NALCN: variants seen among roughly 807,000 people sequenced by gnomAD.
The protein encoded by NALCN is sodium leak channel, non-selective.
In NALCN, 111 loss-of-function variants were observed where a neutral mutation model predicts 225.3. The observed-to-expected ratio is 0.49, with a 90% confidence interval of 0.42 to 0.58. The LOEUF is 0.58. NALCN is among the 20% of genes least tolerant of loss of function. The pLI is 0.00. For missense variants in NALCN, 1,378 were observed against 2,202.4 expected (o/e 0.63, Z 7.49); for synonymous variants, 764 against 769.0 (o/e 0.99, Z 0.11).
chr13:101,144,961 A>T, intron 15 of NALCN, 65 bp from the exon 16 acceptor site: 1 of 1,487,906 alleles, frequency 6.7e-7, no homozygotes, highest in Non-Finnish European at 8.9e-7. Context: ...ACGTTACACA[A>T]AATTAGTTTT....
At chr13:101,374,403 T>A (rs1478448363) in intron 6 of NALCN, among the ~76,000 whole-genome samples, 1 of 150,890 alleles carries the variant, frequency 6.6e-6, no homozygotes, top group African/African-American at 2.4e-5. Flanking sequence ...AGCCTCCCGA[T>A]CACAGGTGCC....
At chr13:101,094,061 C>A (rs890789031) in intron 28 of NALCN, among the ~76,000 whole-genome samples, 2 of 152,216 alleles carry the variant, frequency 1.3e-5, no homozygotes, top group African/African-American at 4.8e-5. Flanking sequence ...TGCCTCATTG[C>A]ACCTTTTCTC....
At position 101,058,028 on chromosome 13, in the gene NALCN, G is replaced by A. The variant is rs141831657; in HGVS notation, c.4934C>T (p.Pro1645Leu). 12 of 1,613,412 alleles carry A rather than the reference G, an allele frequency of 7.4e-6. No individual in the cohort carries two copies. The highest frequency in any genetic ancestry group is 1.0e-5 in the Non-Finnish European group (12 of 1,180,010). The stretch of plus-strand genomic sequence containing the variant: ...ACTTCCTCCTCGATCCGACAGCGTG[G>A]GGCTCAGGAGCTGCTGCTGGCTGCT... ...ETSSQQQLLSPTLSDRGGSRQ... is the reference protein window; with the variant it reads ...ETSSQQQLLSLTLSDRGGSRQ... The change falls in exon 43 of 44, where the codon CCC (proline) becomes CTC (leucine). Residue 1645 changes from proline (P) to leucine (L), a missense_variant. By Grantham distance (98) the Pro-to-Leu change is moderately conservative (BLOSUM62 -3). Coordinates refer to ENST00000251127, the MANE Select transcript of NALCN (RefSeq NM_052867.4).
intron 10 of NALCN, among the ~76,000 whole-genome samples, chr13:101,264,932 A>G (rs897553071): frequency 6.6e-6 from 1 of 152,214 alleles, no homozygotes; most frequent in African/African-American, 2.4e-5. Context: ...AGACTCTCAT[A>G]AAGTTAAGAA....
intron 13 of NALCN, among the ~76,000 whole-genome samples, chr13:101,198,968 T>G (rs529828648): frequency 6.6e-6 from 1 of 151,988 alleles, no homozygotes; most frequent in South Asian, 2.1e-4. Context: ...GCCATAAAAT[T>G]GATGAGTTCA....
Position 101,104,903 on chromosome 13 carries a change from T to C in NALCN, c.2627A>G (p.His876Arg), listed in dbSNP as rs2035017681. ...AGTTGGTGATGCTTACTAAAGTTGA[T>C]GGTACTTTGTATTTTTCACAGCTCC... Reference protein sequence around the residue: ...VTGAVKNTKYHQLYDLLGLVT... With the variant: ...VTGAVKNTKYRQLYDLLGLVT... The change falls in exon 23 of 44, where the codon CAT becomes CGT. Residue 876 changes from histidine to arginine, a missense_variant. By Grantham distance (29) the His-to-Arg change is conservative. Transcript: ENST00000251127. This position sits in a 1 kb window ranked among gnomAD's most constrained non-coding sequence, Gnocchi z 4.2. The C allele has an allele frequency of 6.2e-7, 1 of 1,613,692 alleles. No homozygotes were observed. Among genetic ancestry groups the C allele is most frequent in the African/African-American group, 1.3e-5 (1 of 74,908 alleles).
At chr13:101,233,178 C>G (rs991690952) in intron 12 of NALCN, among the ~76,000 whole-genome samples, 1 of 152,140 alleles carries the variant, frequency 6.6e-6, no homozygotes, top group African/African-American at 2.4e-5. Flanking sequence ...AAACCATACT[C>G]TCAAAGATAA....
chr13:101,181,568 T>C, intron 14 of NALCN, among the ~76,000 whole-genome samples: 1 of 118,416 alleles, frequency 8.4e-6, no homozygotes, highest in East Asian at 2.1e-4. Flanking sequence ...ACCCTGTCTC[T>C]CAAAAAAAAA....
chr13:101,299,317 G>T (rs1184863234), intron 7 of NALCN, among the ~76,000 whole-genome samples: 1 of 152,140 alleles, frequency 6.6e-6, no homozygotes, highest in East Asian at 1.9e-4. Context: ...AATTAAAATC[G>T]AAAATAAATT....
Position 101,073,522 on chromosome 13 carries a change from G to T in NALCN, c.4197+62C>A, listed in dbSNP as rs948890622. 15 of 1,351,584 alleles carry T rather than the reference G, an allele frequency of 1.1e-5. No individual in the cohort carries two copies. In the Admixed American group the frequency reaches 2.6e-4, roughly 23 times the overall value. 83.7% of individuals were successfully genotyped at this position (1,351,584 alleles called of 1,614,324 possible). A position where few individuals can be genotyped will look rare whatever the true frequency, so the allele number is the denominator to read the frequency against. The stretch of plus-strand genomic sequence containing the variant: ...TAACAAGGATGATCCTGCCAACATT[G>T]TGTTGCAAGAGTTTCATGCTGATTC... On this transcript the variant is annotated intron_variant, in intron 37 of 43. Coordinates refer to ENST00000251127, the MANE Select transcript of NALCN (RefSeq NM_052867.4).
At chr13:101,230,317 G>T (rs2041295447) in intron 12 of NALCN, among the ~76,000 whole-genome samples, 1 of 152,166 alleles carries the variant, frequency 6.6e-6, no homozygotes, top group African/African-American at 2.4e-5. Context: ...ACAAGGAAAT[G>T]GAAAGAGAAG....
chr13:101,258,665 T>A, intron 10 of NALCN, 91 bp from the exon 11 acceptor site: 1 of 1,551,484 alleles, frequency 6.4e-7, no homozygotes, highest in Non-Finnish European at 8.8e-7. Context: ...AGCACCTTTG[T>A]GATGTGCTGC....
intron 40 of NALCN, among the ~76,000 whole-genome samples, chr13:101,064,963 C>A (rs2032248008): frequency 1.3e-5 from 2 of 152,188 alleles, no homozygotes; most frequent in Admixed American, 6.5e-5. Flanking sequence ...CATCACAGAG[C>A]AGGCCAGGCA....
chr13:101,352,470 A>G (rs1566606925), intron 6 of NALCN, among the ~76,000 whole-genome samples: 1 of 152,146 alleles, frequency 6.6e-6, no homozygotes, highest in African/African-American at 2.4e-5. Flanking sequence ...GACAGAAAGA[A>G]AGAGAGAGAG....
Position 101,294,133 on chromosome 13 carries a change from G to A in NALCN, c.800-1767C>T, listed in dbSNP as rs568479625. Among the ~76,000 whole-genome samples the A allele has an allele frequency of 3.6e-4, 54 of 152,098 alleles. 1 individual carries two copies. Among genetic ancestry groups the A allele is most frequent in the Middle Eastern group, 6.8e-3 (2 of 294 alleles). On this transcript the variant is annotated intron_variant, in intron 7 of 43. Coordinates refer to ENST00000251127, the MANE Select transcript of NALCN (RefSeq NM_052867.4). ...ACCAGAAATTGAACCCATATCATCAGGTCAAAAAAAATTTTTTTTTACCAT... is the reference window on the plus strand; with the variant it reads ...ACCAGAAATTGAACCCATATCATCAAGTCAAAAAAAATTTTTTTTTACCAT...
At chr13:101,271,797 G>T (rs2042787527) in intron 10 of NALCN, among the ~76,000 whole-genome samples, 1 of 151,884 alleles carries the variant, frequency 6.6e-6, no homozygotes, top group Non-Finnish European at 1.5e-5. Flanking sequence ...CTGTGTGCAT[G>T]CATGTGTGTG....
At chr13:101,076,619 C>T (rs942689702) in intron 34 of NALCN, among the ~76,000 whole-genome samples, 8 of 152,144 alleles carry the variant, frequency 5.3e-5, no homozygotes, top group South Asian at 2.1e-4. Flanking sequence ...AGATGGGCCC[C>T]GCGAAGGGGG....
intron 15 of NALCN, among the ~76,000 whole-genome samples, chr13:101,162,681 T>C (rs2038246094): frequency 6.6e-6 from 1 of 152,234 alleles, no homozygotes; most frequent in African/African-American, 2.4e-5. Context: ...TGACAGGATC[T>C]GAAAGAAAAA....
chr13:101,387,252 A>AAAAAT (rs58578868), intron 3 of NALCN, among the ~76,000 whole-genome samples: 4,849 of 116,774 alleles, frequency 0.042, 962 homozygotes, highest in African/African-American at 0.16. Flanking sequence ...AAAAAAAAAA[A>AAAAAT]AACAGGTTAG....
Sources: gnomAD v4.1 joint callset for allele counts (sites outside exome capture counted in the v4.1 genomes callset) on GRCh38, gnomAD v4.1.1 for gene constraint, Gnocchi (gnomAD v3.1) non-coding constraint, MANE v1.5 for transcripts, NCBI Gene and HGNC (gene_info 2026-07-23, HGNC 2026-07-21) for gene names.